Variants in TANC2 observed in about 807,000 individuals in gnomAD.
The protein encoded by TANC2 is protein TANC2.
Under a neutral mutation model 210.5 loss-of-function variants are expected in TANC2, and 26 were observed. The observed-to-expected ratio is 0.12, with a 90% confidence interval of 0.09 to 0.17. The LOEUF (loss-of-function observed/expected upper bound fraction) is 0.17. Among genes scored for constraint, TANC2 ranks in the 10% least tolerant of loss-of-function variants. The pLI is 1.00. For missense variants in TANC2, 2,129 were observed against 2,608.9 expected (o/e 0.82, Z 4.01); for synonymous variants, 931 against 967.1 (o/e 0.96, Z 0.69).
At chr17:63,088,287 T>C (rs2037051781) in intron 3 of TANC2, 1 of 152,214 alleles carries the variant, frequency 6.6e-6, no homozygotes, top group Non-Finnish European at 1.5e-5. Flanking sequence ...CAAGAAGGAC[T>C]GTTGAAGCTT....
exon 13 of TANC2, chr17:63,351,378 T>C: frequency 3.7e-6 from 6 of 1,610,558 alleles, no homozygotes; most frequent in Non-Finnish European, 5.1e-6. Context: ...GTTTCCTTCT[T>C]GGCTCAAACT....
rs1254559421 is a variant in TANC2, at chr17:63,420,418, G to C, written c.4688G>C (p.Arg1563Thr). The change falls in exon 28 of 28, where the codon AGA (arginine) becomes ACA (threonine). Residue 1563 changes from arginine to threonine, a missense_variant. This residue lies in a region of TANC2 where 584 missense variants were observed against 627.3 expected (regional missense o/e 0.93). Coordinates refer to ENST00000689528, the Ensembl canonical transcript of TANC2. The surrounding 1 kb of genome is among the most constrained non-coding windows in gnomAD (Gnocchi z 4.2). The stretch of plus-strand genomic sequence containing the variant: ...AGTAGTTCTGTAGGCTCTCCCACTA[G>C]ACAGACCTATCAGTCCACCTCACCT... 6.2e-7 allele frequency: 1 copy of C among 1,613,884 alleles called. No individual in the cohort carries two copies. The highest frequency in any genetic ancestry group is 1.1e-5 in the South Asian group (1 of 91,074).
At chr17:63,360,524 CAT>C (rs371964148) in intron 14 of TANC2, among the ~76,000 whole-genome samples, 12 of 150,300 alleles carry the variant, frequency 8.0e-5, no homozygotes, top group Admixed American at 2.0e-4. Flanking sequence ...TACATACATA[CAT>C]ATATATATAT....
intron 8 of TANC2, among the ~76,000 whole-genome samples, chr17:63,248,585 GAT>G (rs368668639): frequency 8.5e-5 from 13 of 152,264 alleles, no homozygotes; most frequent in African/African-American, 3.1e-4. Flanking sequence ...TCCTTGCCAT[GAT>G]ACAGATTTCT....
intron 1 of TANC2, among the ~76,000 whole-genome samples, chr17:62,987,837 G>A (rs2032649250): frequency 6.6e-6 from 1 of 152,174 alleles, no homozygotes; most frequent in Admixed American, 6.5e-5. Context: ...AAGGGGTGCA[G>A]GGGACGAGCA....
intron 8 of TANC2, 136 bp downstream of exon 8, chr17:63,238,213 T>C: frequency 8.6e-7 from 1 of 1,156,864 alleles, no homozygotes; most frequent in Non-Finnish European, 1.2e-6. Context: ...AGCTGTTCTT[T>C]TGTGTTTGGG....
chr17:63,174,975 C>A (rs1011623405), intron 5 of TANC2, among the ~76,000 whole-genome samples: 9 of 151,918 alleles, frequency 5.9e-5, no homozygotes, highest in Non-Finnish European at 1.2e-4. Flanking sequence ...TTGTTAAGAC[C>A]AATTAAAGAC....
chr17:63,204,478 C>T (rs2041633890), intron 7 of TANC2, among the ~76,000 whole-genome samples: 1 of 151,964 alleles, frequency 6.6e-6, no homozygotes, highest in Non-Finnish European at 1.5e-5. Context: ...GAAATAGAAA[C>T]ATCCAGCTGG....
chr17:63,178,146 A>C (rs779899031), intron 5 of TANC2, among the ~76,000 whole-genome samples: 1 of 152,164 alleles, frequency 6.6e-6, no homozygotes, highest in African/African-American at 2.4e-5. Flanking sequence ...CGTGGCTAAC[A>C]CGGAGAAACC....
intron 4 of TANC2, chr17:63,148,640 A>G (rs978587149): frequency 1.3e-5 from 2 of 152,306 alleles, no homozygotes; most frequent in East Asian, 1.9e-4. Context: ...TTACATCACA[A>G]TAAAATGCCA....
rs58881477 is a variant in TANC2, at chr17:63,222,720, A to AAC, written c.770-15066_770-15065dup. 8.1e-3 allele frequency among the ~76,000 whole-genome samples: 1,206 copies of AAC among 148,960 alleles called. 6 individuals are homozygous for AAC. The highest frequency in any genetic ancestry group is 0.027 in the South Asian group (127 of 4,708). On this transcript the variant is annotated intron_variant, in intron 7 of 27. Transcript: ENST00000689528. ...AATTATACCTTAATAAAACTGATTA[A>AAC]ACACACACACACACACACACACACA... is the stretch of plus-strand genomic sequence containing the variant.
intron 5 of TANC2, among the ~76,000 whole-genome samples, chr17:63,172,810 C>A (rs926051369): frequency 1.6e-4 from 24 of 152,144 alleles, no homozygotes; most frequent in African/African-American, 5.6e-4. Flanking sequence ...TTCTAATTTA[C>A]TGCAAAAAGG....
intron 11 of TANC2, chr17:63,332,465 A>G (rs1359964331): frequency 1.2e-5 from 5 of 408,102 alleles, no homozygotes; most frequent in Non-Finnish European, 2.4e-5. Flanking sequence ...GTGAGTAATC[A>G]GCATCTAACT....
At chr17:63,309,922 T>C (rs1233716986) in intron 9 of TANC2, among the ~76,000 whole-genome samples, 1 of 151,516 alleles carries the variant, frequency 6.6e-6, no homozygotes, top group African/African-American at 2.4e-5. Flanking sequence ...CATTACAAAT[T>C]GGTGATAATT....
chr17:63,107,943 T>A (rs555340992), intron 4 of TANC2, among the ~76,000 whole-genome samples: 3 of 151,748 alleles, frequency 2.0e-5, no homozygotes, highest in African/African-American at 7.3e-5. Flanking sequence ...TCCATTAAAT[T>A]GTACTTATAT....
At chr17:63,100,028 A>T (rs1184163897) in intron 4 of TANC2, among the ~76,000 whole-genome samples, 1 of 152,186 alleles carries the variant, frequency 6.6e-6, no homozygotes, top group African/African-American at 2.4e-5. Flanking sequence ...GTGTGAAAAT[A>T]TGTAATCCTG....
intron 7 of TANC2, among the ~76,000 whole-genome samples, chr17:63,208,562 A>T (rs2041792617): frequency 6.6e-6 from 1 of 152,196 alleles, no homozygotes; most frequent in Non-Finnish European, 1.5e-5. Context: ...ACCCCTTTTG[A>T]GATTTTTATT....
At chr17:63,307,772 T>TGTTGTTGTTGTTG (rs5821385) in intron 9 of TANC2, among the ~76,000 whole-genome samples, 5 of 151,030 alleles carry the variant, frequency 3.3e-5, no homozygotes, top group African/African-American at 1.2e-4. Flanking sequence ...TTGTTGTTGT[T>TGTTGTTGTTGTTG]TTGTTGTTTT....
chr17:63,331,008 A>G (rs1598868830), intron 11 of TANC2, among the ~76,000 whole-genome samples: 1 of 152,130 alleles, frequency 6.6e-6, no homozygotes. Flanking sequence ...CCCGGGAGGC[A>G]GAGGTTGCAG....
Sources: gnomAD v4.1 joint callset for allele counts (sites outside exome capture counted in the v4.1 genomes callset) on GRCh38, gnomAD v4.1.1 for gene constraint, gnomAD v4.1.1 regional missense constraint, Gnocchi (gnomAD v3.1) non-coding constraint, MANE v1.5 for transcripts, NCBI Gene and HGNC (gene_info 2026-07-23, HGNC 2026-07-21) for gene names.